ZGRF1: variants seen among roughly 807,000 people sequenced by gnomAD.
The protein encoded by ZGRF1 is 5'-3' DNA helicase ZGRF1.
A neutral mutation model predicts 203.5 loss-of-function variants in ZGRF1; 196 were observed. That is an observed-to-expected ratio of 0.96 (90% CI 0.86 to 1.08). The LOEUF is 1.08. Ranked by LOEUF, ZGRF1 falls within the 50% of genes least tolerant of loss-of-function variation. ZGRF1 has a pLI of 0.00. For missense variants in ZGRF1, 2,326 were observed against 2,416.3 expected (o/e 0.96, Z 0.78); for synonymous variants, 809 against 841.3 (o/e 0.96, Z 0.66).
chr4:112,589,077 C>T (rs1578376248), intron 11 of ZGRF1, among the ~76,000 whole-genome samples: 1 of 151,944 alleles, frequency 6.6e-6, no homozygotes, highest in East Asian at 1.9e-4. Flanking sequence ...TATCATCCAT[C>T]CAAAATCAAA....
Position 112,558,223 on chromosome 4 carries a change from T to G in ZGRF1, c.5047A>C (p.Ile1683Leu). The change falls in exon 20 of 28, where the codon ATT (isoleucine) becomes CTT (leucine). Residue 1683 changes from isoleucine to leucine, a missense_variant. Physicochemically the swap from Ile to Leu is conservative, Grantham distance 5 (BLOSUM62 2). Coordinates refer to ENST00000505019, the MANE Select transcript of ZGRF1 (RefSeq NM_018392.5). The part of the protein sequence containing the change: ...QLFEKSEAPT[I>L]GNARPWKLLI... Reference sequence around the variant, plus strand: ...AGTTTCCACGGCCTTGCATTTCCAATGGTGGGAGCTTCACTCTTTTCAAAC... The same window carrying G: ...AGTTTCCACGGCCTTGCATTTCCAAGGGTGGGAGCTTCACTCTTTTCAAAC... 1 of 1,606,590 alleles carries G rather than the reference T, an allele frequency of 6.2e-7. No individual in the cohort carries two copies. Among genetic ancestry groups the G allele is most frequent in the Admixed American group, 1.7e-5 (1 of 58,696 alleles).
chr4:112,570,571 C>A (rs1025987321), intron 16 of ZGRF1, among the ~76,000 whole-genome samples: 11 of 151,926 alleles, frequency 7.2e-5, no homozygotes, highest in Non-Finnish European at 1.5e-4. Context: ...GGCAACAGAG[C>A]AAGACTCTGT....
chr4:112,613,213 G>C (rs146764411), intron 6 of ZGRF1, among the ~76,000 whole-genome samples: 1,688 of 152,272 alleles, frequency 0.011, 10 homozygotes, highest in Middle Eastern at 0.044. Flanking sequence ...AGAATCACTT[G>C]AACTCGGGAG....
At chr4:112,583,893 T>C in intron 15 of ZGRF1, 85 bp downstream of exon 15, 1 of 852,398 alleles carries the variant, frequency 1.2e-6, no homozygotes, top group Admixed American at 2.7e-5. Flanking sequence ...CCTATCTTAA[T>C]CTCTTTTAAA....
At chr4:112,608,671 A>G (rs1751127756) in intron 8 of ZGRF1, among the ~76,000 whole-genome samples, 1 of 152,206 alleles carries the variant, frequency 6.6e-6, no homozygotes, top group Non-Finnish European at 1.5e-5. Context: ...TGAAAAAAAG[A>G]CAAAAACGTG....
At position 112,619,454 on chromosome 4, in the gene ZGRF1, A is replaced by G. The variant is rs759134031; in HGVS notation, c.588T>C (p.Phe196=). Residue 196 remains phenylalanine, a synonymous_variant, in exon 6 of 28, where the codon TTT becomes TTC. Transcript: ENST00000505019. ...CTGGGTTAATCTGGAAGGATGGAGA[A>G]AAAACCGAAGAAAAATCCATGGCAT... ...ERNAMDFSSV[F]SPSFQINPEV... 5 of 1,612,132 alleles carry G rather than the reference A, an allele frequency of 3.1e-6. No homozygotes were observed. Among genetic ancestry groups the G allele is most frequent in the Admixed American group, 1.7e-5 (1 of 59,736 alleles).
At chr4:112,566,336 G>A (rs895734838) in intron 16 of ZGRF1, among the ~76,000 whole-genome samples, 1 of 111,866 alleles carries the variant, frequency 8.9e-6, no homozygotes, top group Non-Finnish European at 1.7e-5. Context: ...TCTGGGGACT[G>A]TTGTGGGGTG....
At chr4:112,601,102 CAA>C (rs111982841) in intron 10 of ZGRF1, among the ~76,000 whole-genome samples, 18 of 120,436 alleles carry the variant, frequency 1.5e-4, no homozygotes, top group Non-Finnish European at 1.4e-4. Context: ...GACTCCATCT[CAA>C]AAAAAAAAAA....
intron 3 of ZGRF1, among the ~76,000 whole-genome samples, chr4:112,625,727 T>G (rs1468792426): frequency 6.6e-6 from 1 of 151,256 alleles, no homozygotes; most frequent in Non-Finnish European, 1.5e-5. Flanking sequence ...AGAAACCCCG[T>G]CTCTACTAAA....
chr4:112,635,703 T>C (rs1223290536), intron 1 of ZGRF1, among the ~76,000 whole-genome samples: 1 of 151,022 alleles, frequency 6.6e-6, no homozygotes, highest in Non-Finnish European at 1.5e-5. Flanking sequence ...TTACATACTA[T>C]GTATCAGGCA....
chr4:112,612,467 T>A (rs1316742070), intron 7 of ZGRF1, 57 bp downstream of exon 7: 40 of 1,133,252 alleles, frequency 3.5e-5, no homozygotes, highest in Non-Finnish European at 5.1e-5. Flanking sequence ...CTATTACAAA[T>A]TATAGAACAT....
At chr4:112,624,211 A>C (rs543947299) in intron 3 of ZGRF1, among the ~76,000 whole-genome samples, 2 of 151,382 alleles carry the variant, frequency 1.3e-5, no homozygotes, top group South Asian at 4.2e-4. Context: ...TACCAGGAGG[A>C]TATTAGAATG....
chr4:112,585,499 G>T, intron 14 of ZGRF1, 42 bp downstream of exon 14: 1 of 1,516,564 alleles, frequency 6.6e-7, no homozygotes. Context: ...CCCTTTATAA[G>T]ACAAGTATTT....
At chr4:112,542,965 A>AT (rs1737979842) in intron 24 of ZGRF1, among the ~76,000 whole-genome samples, 2 of 152,032 alleles carry the variant, frequency 1.3e-5, no homozygotes, top group Non-Finnish European at 2.9e-5. Context: ...CTGAGATTAT[A>AT]GATTATAGGC....
intron 10 of ZGRF1, among the ~76,000 whole-genome samples, chr4:112,598,029 T>C (rs1245815810): frequency 6.6e-6 from 1 of 152,010 alleles, no homozygotes; most frequent in African/African-American, 2.4e-5. Context: ...AAATTTTATC[T>C]CCCCTTGCTC....
At chr4:112,565,200 G>A (rs151009985) in intron 16 of ZGRF1, 122 of 1,572,454 alleles carry the variant, frequency 7.8e-5, no homozygotes, top group Admixed American at 7.2e-4. Context: ...TCCAGCGTCT[G>A]GTGCGAGAAA....
chr4:112,615,899 T>C (rs904617387), intron 6 of ZGRF1, among the ~76,000 whole-genome samples: 1 of 152,138 alleles, frequency 6.6e-6, no homozygotes, highest in Non-Finnish European at 1.5e-5. Context: ...CCTCCCAAAG[T>C]GCTGGGATTA....
chr4:112,586,519 T>G lies in ZGRF1; in HGVS notation c.3842A>C (p.Gln1281Pro), dbSNP rs1454652354. The G allele has an allele frequency of 6.2e-7, 1 of 1,613,264 alleles. No individual in the cohort carries two copies. Among genetic ancestry groups the G allele is most frequent in the East Asian group, 2.2e-5 (1 of 44,828 alleles). ...AACAGCTGGTATGTGAATTTGCCTT[T>G]GGGGAAGATAAGCAGATTTTATTTT... The part of the protein sequence containing the change: ...GQKIKSAYLP[Q>P]RQIHIPAVFQ... Residue 1281 changes from glutamine to proline, a missense_variant, in exon 13 of 28, where the codon CAA becomes CCA. Physicochemically the swap from Gln to Pro is moderately conservative, Grantham distance 76. Coordinates refer to ENST00000505019, the MANE Select transcript of ZGRF1 (RefSeq NM_018392.5).
intron 10 of ZGRF1, among the ~76,000 whole-genome samples, chr4:112,597,265 C>A (rs1439250990): frequency 6.7e-6 from 1 of 149,976 alleles, no homozygotes; most frequent in Admixed American, 6.7e-5. Flanking sequence ...TGTGCTCACA[C>A]CTATAATCCC....
Sources: allele counts gnomAD v4.1 joint callset (sites outside exome capture counted in the v4.1 genomes callset), GRCh38; gene constraint gnomAD v4.1.1; transcripts MANE v1.5; gene names NCBI Gene and HGNC (gene_info 2026-07-23, HGNC 2026-07-21).